The following ARMC5 variants were observed in gnomAD, a reference collection of about 807,000 sequenced individuals.
ARMC5 encodes the protein armadillo repeat containing 5.
A neutral mutation model predicts 60.5 loss-of-function variants in ARMC5; 28 were observed. That is an observed-to-expected ratio of 0.46 (90% confidence interval 0.34 to 0.63). ARMC5 has a LOEUF of 0.63. Among genes scored for constraint, ARMC5 ranks in the 30% least tolerant of loss-of-function variants. ARMC5 has a pLI of 0.01. For synonymous variants in ARMC5, 680 were observed against 607.3 expected (o/e 1.12, Z -1.76); for missense variants, 1,189 against 1,304.9 (o/e 0.91, Z 1.37).
intron 4 of ARMC5, chr16:31,465,387 A>T (rs2082347284): frequency 7.8e-7 from 1 of 1,276,736 alleles, no homozygotes; most frequent in Admixed American, 3.2e-5. Flanking sequence ...TCTTCTGGTC[A>T]CACCTCACTA....
At position 31,466,866 on chromosome 16, in the gene ARMC5, T is replaced by C. The variant is rs1596608323; in HGVS notation, c.2785T>C (p.Leu929=). The stretch of plus-strand genomic sequence containing the variant: ...GCTGGCTGTGGTGATGGGGATTGAG[T>C]TGGGGGCAAGGGTCCCTGCCTAGAC... ...ALLAVVMGIE[L]GARVPA is the part of the protein sequence containing the mutation. The change falls in exon 6 of 6, where the codon TTG becomes CTG. Residue 929 remains leucine (L), a synonymous_variant. Coordinates refer to ENST00000268314, the MANE Select transcript of ARMC5 (RefSeq NM_001105247.2). This position sits in a 1 kb window ranked among gnomAD's most constrained non-coding sequence, Gnocchi z 8.0. The C allele has an allele frequency of 1.3e-6, 2 of 1,578,736 alleles. No homozygotes were observed. The highest frequency in any genetic ancestry group is 1.2e-5 in the South Asian group (1 of 84,724).
At chr16:31,458,909 G>A (rs2082271238), upstream of ARMC5, 4 of 1,535,670 alleles carry the variant, frequency 2.6e-6, no homozygotes, top group East Asian at 2.4e-5. Flanking sequence ...CGGGACACCG[G>A]GGTCCAGCTC....
rs1467735332 is a variant in ARMC5, at chr16:31,459,859, C to G, written c.335C>G (p.Ser112Cys). Residue 112 changes from serine (S) to cysteine (C), a missense_variant, in exon 1 of 6, where the codon TCC (serine) becomes TGC (cysteine). Ser to Cys is a moderately radical substitution (Grantham distance 112). Transcript: ENST00000268314. Reference protein sequence around the residue: ...SPAPASGPAPSAVSSSSPTPP... With the variant: ...SPAPASGPAPCAVSSSSPTPP... ...GCCCCCGCGTCGGGCCCCGCCCCCT[C>G]CGCTGTGTCGTCGTCTAGTCCTACG... The G allele has an allele frequency of 1.9e-6, 3 of 1,599,028 alleles. No individual in the cohort carries two copies. Among genetic ancestry groups the G allele is most frequent in the South Asian group, 2.2e-5 (2 of 90,460 alleles).
rs761415153 is a variant in ARMC5 at position 31,464,629 on chromosome 16, C to T, written c.1606C>T (p.Pro536Ser). 7.5e-6 allele frequency: 12 copies of T among 1,597,750 alleles called. No individual in the cohort carries two copies. Among genetic ancestry groups the T allele is most frequent in the Non-Finnish European group, 1.0e-5 (12 of 1,178,344 alleles). Reference protein sequence around the residue: ...LLLLSRFSQAPDPSGALVTGP... With the variant: ...LLLLSRFSQASDPSGALVTGP... ...GCTGCTGTCGCGCTTTTCCCAGGCC[C>T]CTGACCCAAGTGGGGCACTTGTGAC... Residue 536 changes from proline (P) to serine (S), a missense_variant, in exon 4 of 6, where the codon CCT becomes TCT. Coordinates refer to ENST00000268314, the MANE Select transcript of ARMC5 (RefSeq NM_001105247.2). The surrounding 1 kb of genome is among the most constrained non-coding windows in gnomAD (Gnocchi z 7.6).
upstream of ARMC5, chr16:31,458,631 T>C: frequency 6.9e-7 from 1 of 1,443,598 alleles, no homozygotes; most frequent in Non-Finnish European, 9.2e-7. Flanking sequence ...AAAGGCTTCT[T>C]CCTCCCCAGG....
rs1465988961 is a variant in ARMC5 at position 31,462,068 on chromosome 16, G to A, written c.583+39G>A. The stretch of plus-strand genomic sequence containing the variant: ...AGGTTGGGGTCTGCTAGGGCTTGGG[G>A]CAGAAGAAAGGCTTGAGTGTCTGTC... On this transcript the variant is annotated intron_variant, in intron 2 of 5. Transcript: ENST00000268314. The surrounding 1 kb of genome is among the most constrained non-coding windows in gnomAD (Gnocchi z 7.2). 6.2e-7 allele frequency: 1 copy of A among 1,613,472 alleles called. No individual in the cohort carries two copies. Among genetic ancestry groups the A allele is most frequent in the Admixed American group, 1.7e-5 (1 of 60,020 alleles).
chr16:31,465,052 C>T (rs139990212), intron 4 of ARMC5, 165 bp downstream of exon 4: 3 of 1,613,748 alleles, frequency 1.9e-6, no homozygotes, highest in South Asian at 1.1e-5. Flanking sequence ...CGTTCCAGTC[C>T]CTCCATGGGC....
In ARMC5 at chr16:31,466,279, C is replaced by T; in HGVS notation, c.2198C>T (p.Pro733Leu). 1.9e-6 allele frequency: 3 copies of T among 1,613,944 alleles called. No homozygotes were observed. Among genetic ancestry groups the T allele is most frequent in the African/African-American group, 2.7e-5 (2 of 75,054 alleles). Residue 733 changes from proline (P) to leucine (L), a missense_variant, in exon 6 of 6, where the codon CCT (proline) becomes CTT (leucine). Around this residue, in one of 2 missense-constraint regions of ARMC5, gnomAD observed 862 missense variants for 1,071.2 expected, o/e 0.80. Coordinates refer to ENST00000268314, the MANE Select transcript of ARMC5 (RefSeq NM_001105247.2). The surrounding 1 kb of genome is among the most constrained non-coding windows in gnomAD (Gnocchi z 8.0). ...AVPMDLDSPS[P>L]CLYEPLLGPA... ...CCCATGGACCTAGACTCACCTTCCC[C>T]TTGCCTCTATGAACCTCTGCTGGGC...
In ARMC5 at chr16:31,466,600, G is replaced by A. The variant is rs1282933158; in HGVS notation, c.2519G>A (p.Gly840Asp). ...SEAEEALEAA[G>D]RFLLPGLEEE... ...GCCGAGGAGGCACTGGAGGCTGCTG[G>A]CCGTTTCCTACTGCCTGGGCTGGAG... is the stretch of plus-strand genomic sequence containing the variant. The change falls in exon 6 of 6, where the codon GGC becomes GAC. Residue 840 changes from glycine to aspartate, a missense_variant. Transcript: ENST00000268314. This position sits in a 1 kb window ranked among gnomAD's most constrained non-coding sequence, Gnocchi z 8.0. The A allele has an allele frequency of 2.5e-6, 4 of 1,606,856 alleles. No individual in the cohort carries two copies. The highest frequency in any genetic ancestry group is 3.4e-6 in the Non-Finnish European group (4 of 1,177,610).
Position 31,462,461 on chromosome 16 carries a change from T to A in ARMC5, c.914T>A (p.Leu305His). The change falls in exon 3 of 6, where the codon CTC becomes CAC. Residue 305 changes from leucine (L) to histidine (H), a missense_variant. Physicochemically the swap from Leu to His is moderately conservative, Grantham distance 99 (BLOSUM62 -3). Coordinates refer to ENST00000268314, the MANE Select transcript of ARMC5 (RefSeq NM_001105247.2). This position sits in a 1 kb window ranked among gnomAD's most constrained non-coding sequence, Gnocchi z 7.2. ...GTACGCGAGGGAACCATTCTGATCC[T>A]CGCCAACCTGTGTGCCCAGGGCCTG... is the stretch of plus-strand genomic sequence containing the variant. ...RAVREGTILI[L>H]ANLCAQGLIR... 3 of 1,612,598 alleles carry A rather than the reference T, an allele frequency of 1.9e-6. No homozygotes were observed. The highest frequency in any genetic ancestry group is 2.5e-6 in the Non-Finnish European group (3 of 1,179,658).
At chr16:31,461,410 G>A (rs893829562) in intron 1 of ARMC5, among the ~76,000 whole-genome samples, 1 of 152,174 alleles carries the variant, frequency 6.6e-6, no homozygotes, top group Admixed American at 6.6e-5. Context: ...TGGAAAGGCT[G>A]CTTCCAAACC....
upstream of ARMC5, chr16:31,459,010 G>C: frequency 6.5e-7 from 1 of 1,533,358 alleles, no homozygotes; most frequent in South Asian, 1.2e-5. Context: ...CTGACCGAGC[G>C]AGGGCTCCCC....
chr16:31,465,610 G>T, intron 4 of ARMC5: 2 of 1,394,714 alleles, frequency 1.4e-6, no homozygotes, highest in Non-Finnish European at 9.2e-7. Flanking sequence ...TTGCCTCGGC[G>T]CCTGGGTGGC....
At position 31,464,907 on chromosome 16, in the gene ARMC5, C is replaced by A; in HGVS notation, c.1864+20C>A. 2 of 1,609,220 alleles carry A rather than the reference C, an allele frequency of 1.2e-6. No homozygotes were observed. The highest frequency in any genetic ancestry group is 1.7e-6 in the Non-Finnish European group (2 of 1,179,656). ...AGCTGGGTGAGTTCCCATACCCACCCGTCTCCTTGCCCCCATGTGAGTCCC... is the reference window on the plus strand; with the variant it reads ...AGCTGGGTGAGTTCCCATACCCACCAGTCTCCTTGCCCCCATGTGAGTCCC... On this transcript the variant is annotated intron_variant, in intron 4 of 5. Transcript: ENST00000268314. The surrounding 1 kb of genome is among the most constrained non-coding windows in gnomAD (Gnocchi z 7.6).
In ARMC5 at chr16:31,464,767, G is replaced by A; in HGVS notation, c.1744G>A (p.Ala582Thr). The change falls in exon 4 of 6, where the codon GCC (alanine) becomes ACC (threonine). Residue 582 changes from alanine to threonine, a missense_variant. Coordinates refer to ENST00000268314, the MANE Select transcript of ARMC5 (RefSeq NM_001105247.2). The surrounding 1 kb of genome is among the most constrained non-coding windows in gnomAD (Gnocchi z 7.6). ...CACCTGCAACCCTGCCTGCCTCGAG[G>A]CCTTCGTGCGCAGCTATGGCGCGGC... is the stretch of plus-strand genomic sequence containing the variant. ...RLTCNPACLEAFVRSYGAALL... is the reference protein window; with the variant it reads ...RLTCNPACLETFVRSYGAALL... 6.3e-7 allele frequency: 1 copy of A among 1,599,158 alleles called. No homozygotes were observed. Among genetic ancestry groups the A allele is most frequent in the Non-Finnish European group, 8.5e-7 (1 of 1,179,228 alleles).
upstream of ARMC5, chr16:31,459,111 C>G (rs2082273606): frequency 4.7e-6 from 7 of 1,479,044 alleles, no homozygotes; most frequent in Admixed American, 4.6e-5. Context: ...CGCTGGGGGG[C>G]AGCGAAGCGA....
At chr16:31,459,006 G>T, upstream of ARMC5, 1 of 1,533,466 alleles carries the variant, frequency 6.5e-7, no homozygotes, top group East Asian at 2.4e-5. Context: ...TCCTCTGACC[G>T]AGCGAGGGCT....
At chr16:31,458,883 C>T (rs1313942022), upstream of ARMC5, 2 of 1,535,666 alleles carry the variant, frequency 1.3e-6, no homozygotes, top group Non-Finnish European at 8.7e-7. Flanking sequence ...CGAGCACGTC[C>T]AGAGCGGAGG....
Position 31,466,932 on chromosome 16 carries a change from CT to C in ARMC5, c.*44del. ...GGAAGGGGACCCAAGGATGAATTGG[CT>C]GTGAAGGATCCTCCCTGAGACTGGC... On this transcript the variant is annotated 3_prime_UTR_variant, in exon 6 of 6. Coordinates refer to ENST00000268314, the MANE Select transcript of ARMC5 (RefSeq NM_001105247.2). This position sits in a 1 kb window ranked among gnomAD's most constrained non-coding sequence, Gnocchi z 8.0. 6.8e-7 allele frequency: 1 copy of C among 1,470,718 alleles called. No homozygotes were observed. The highest frequency in any genetic ancestry group is 1.4e-5 in the African/African-American group (1 of 70,876). The allele number at this position is 1,470,718 out of a possible 1,614,324, so 91.1% of individuals were successfully genotyped here.
Sources: allele counts gnomAD v4.1 joint callset (sites outside exome capture counted in the v4.1 genomes callset), GRCh38; gene constraint gnomAD v4.1.1; regional missense constraint gnomAD v4.1.1; non-coding constraint Gnocchi (gnomAD v3.1); transcripts MANE v1.5; gene names NCBI Gene and HGNC (gene_info 2026-07-23, HGNC 2026-07-21).